Variants in LDLRAD4 observed in about 807,000 individuals in gnomAD.
LDLRAD4 encodes low-density lipoprotein receptor class A domain-containing protein 4.
In LDLRAD4, 5 loss-of-function variants were observed where a neutral mutation model predicts 17.0. The ratio of observed to expected loss-of-function variants is 0.29; its 90% CI spans 0.15 to 0.62. LDLRAD4 has a LOEUF of 0.62. LDLRAD4 is among the 20% of genes least tolerant of loss of function. The probability of loss-of-function intolerance (pLI) is 0.84; values close to 1 mark genes in which losing one functional copy is unlikely to be tolerated. For synonymous variants in LDLRAD4, 168 were observed against 171.8 expected (o/e 0.98, Z 0.17); for missense variants, 340 against 424.7 (o/e 0.80, Z 1.75).
intron 3 of LDLRAD4, among the ~76,000 whole-genome samples, chr18:13,545,887 G>C (rs1006014627): frequency 1.3e-5 from 2 of 152,238 alleles, no homozygotes; most frequent in African/African-American, 4.8e-5. Flanking sequence ...GTGAGAGTCA[G>C]TGGGCTTCAT....
intron 3 of LDLRAD4, among the ~76,000 whole-genome samples, chr18:13,467,860 G>GATA (rs2092667015): frequency 6.6e-6 from 1 of 152,322 alleles, no homozygotes; most frequent in East Asian, 1.9e-4. Flanking sequence ...GATGATTTTT[G>GATA]ATAAGGGCTC....
chr18:13,630,950 C>A (rs2041608050), intron 4 of LDLRAD4, among the ~76,000 whole-genome samples: 1 of 152,208 alleles, frequency 6.6e-6, no homozygotes, highest in African/African-American at 2.4e-5. Context: ...TCAGTGCTCT[C>A]CCTGGTTGTT....
At chr18:13,378,937 A>G (rs2085130959) in intron 1 of LDLRAD4, among the ~76,000 whole-genome samples, 1 of 152,244 alleles carries the variant, frequency 6.6e-6, no homozygotes, top group South Asian at 2.1e-4. Context: ...GAGCCGTGTT[A>G]GAGACGCGAT....
intron 3 of LDLRAD4, chr18:13,461,316 A>C (rs1168866475): frequency 2.0e-5 from 3 of 152,380 alleles, no homozygotes; most frequent in African/African-American, 7.2e-5. Context: ...GGGAAGTAGG[A>C]GGACATAGTA....
intron 3 of LDLRAD4, chr18:13,500,580 G>A (rs1568263016): frequency 6.6e-6 from 1 of 152,214 alleles, no homozygotes; most frequent in African/African-American, 2.4e-5. Context: ...GCGGTCCTTT[G>A]TGAAGCCCGC....
Position 13,475,427 on chromosome 18 carries a change from ATTTTT to A in LDLRAD4, c.181+37058_181+37062del, listed in dbSNP as rs35255496. Among the ~76,000 whole-genome samples, 1,185 of 131,130 alleles carry A rather than the reference ATTTTT, an allele frequency of 9.0e-3. 23 individuals are homozygous for A. The highest frequency in any genetic ancestry group is 0.028 in the African/African-American group (994 of 35,614). The allele number at this position is 131,130 out of a possible 152,430, so 86.0% of individuals were successfully genotyped here. On this transcript the variant is annotated intron_variant, in intron 3 of 5. Transcript: ENST00000359446. ...TGGTGCTCGCCACCACACCCCGCTG[ATTTTT>A]TTTTTTTTTTTTTTGTAAAGACAGG...
rs1209118442 is a variant in LDLRAD4, at chr18:13,367,086, A to T, written c.-382-20255A>T. 6.6e-6 allele frequency among the ~76,000 whole-genome samples: 1 copy of T among 152,164 alleles called. No individual in the cohort carries two copies. The highest frequency in any genetic ancestry group is 1.5e-5 in the Non-Finnish European group (1 of 68,028). On this transcript the variant is annotated intron_variant, in intron 1 of 5. Transcript: ENST00000359446. The surrounding 1 kb of genome is among the most constrained non-coding windows in gnomAD (Gnocchi z 4.1). Reference sequence around the variant, plus strand: ...CATCAGGTCAGTTTACTCTTAGGACATTTGCCCACAGCGAGATGCAAACTG... The same window carrying T: ...CATCAGGTCAGTTTACTCTTAGGACTTTTGCCCACAGCGAGATGCAAACTG...
At chr18:13,534,617 C>T (rs1198353894) in intron 3 of LDLRAD4, among the ~76,000 whole-genome samples, 1 of 151,778 alleles carries the variant, frequency 6.6e-6, no homozygotes, top group East Asian at 1.9e-4. Flanking sequence ...TCTGGTGTGC[C>T]CTGTACTTTC....
At chr18:13,590,877 T>G (rs1415344040) in intron 3 of LDLRAD4, among the ~76,000 whole-genome samples, 1 of 151,914 alleles carries the variant, frequency 6.6e-6, no homozygotes, top group Non-Finnish European at 1.5e-5. Flanking sequence ...AGAGGTCTCA[T>G]TATCATCAGA....
chr18:13,341,120 A>G (rs2082350615), intron 1 of LDLRAD4, among the ~76,000 whole-genome samples: 1 of 151,316 alleles, frequency 6.6e-6, no homozygotes, highest in South Asian at 2.1e-4. Context: ...TGTCTTGATT[A>G]TTGCAGCTTT....
chr18:13,352,283 G>A (rs1271314578), intron 1 of LDLRAD4, among the ~76,000 whole-genome samples: 1 of 152,194 alleles, frequency 6.6e-6, no homozygotes, highest in Non-Finnish European at 1.5e-5. Context: ...GCAAGAGAAA[G>A]AAATAAAGAG....
rs1405227718 is a variant in LDLRAD4, at chr18:13,449,928, A to G, written c.181+11544A>G. Reference sequence around the variant, plus strand: ...TGGGGCCGGGGTGGTGGCTGAGCCAATCAAGCAAAATGATGGACCTTCCAT... The same window carrying G: ...TGGGGCCGGGGTGGTGGCTGAGCCAGTCAAGCAAAATGATGGACCTTCCAT... On this transcript the variant is annotated intron_variant, in intron 3 of 5. Transcript: ENST00000359446. Among the ~76,000 whole-genome samples the G allele has an allele frequency of 2.0e-5, 3 of 152,228 alleles. No homozygotes were observed. The East Asian group carries it at 5.8e-4, about 29-fold the overall frequency.
intron 1 of LDLRAD4, among the ~76,000 whole-genome samples, chr18:13,255,222 C>G (rs896953711): frequency 2.0e-5 from 3 of 152,170 alleles, no homozygotes; most frequent in African/African-American, 7.2e-5. Flanking sequence ...ATGCTCCACA[C>G]CCAGCAGGTG....
chr18:13,255,162 G>T (rs181346427), intron 1 of LDLRAD4, among the ~76,000 whole-genome samples: 6 of 152,332 alleles, frequency 3.9e-5, no homozygotes, highest in Admixed American at 3.9e-4. Flanking sequence ...GCCCTGCTGT[G>T]TGCTGGGCAC....
intron 3 of LDLRAD4, among the ~76,000 whole-genome samples, chr18:13,479,584 G>A (rs1390264855): frequency 6.6e-6 from 1 of 152,016 alleles, no homozygotes; most frequent in Non-Finnish European, 1.5e-5. Flanking sequence ...TCGCACCATG[G>A]CACTCCAGCC....
chr18:13,308,018 C>T (rs2047014601), intron 1 of LDLRAD4, among the ~76,000 whole-genome samples: 1 of 152,192 alleles, frequency 6.6e-6, no homozygotes, highest in Non-Finnish European at 1.5e-5. Flanking sequence ...TCCACTCTGT[C>T]CCTGCCTTGT....
chr18:13,494,710 A>G (rs1175906088), intron 3 of LDLRAD4, among the ~76,000 whole-genome samples: 1 of 25,472 alleles, frequency 3.9e-5, no homozygotes, highest in East Asian at 2.7e-3. Context: ...TATTCAGTGT[A>G]TATATACACA....
intron 1 of LDLRAD4, among the ~76,000 whole-genome samples, chr18:13,244,259 C>G (rs2042846623): frequency 6.6e-6 from 1 of 150,590 alleles, no homozygotes; most frequent in Non-Finnish European, 1.5e-5. Flanking sequence ...CCCACTCATT[C>G]TTCTATCCAT....
intron 3 of LDLRAD4, among the ~76,000 whole-genome samples, chr18:13,549,696 C>G (rs1568328092): frequency 6.6e-6 from 1 of 151,618 alleles, no homozygotes; most frequent in Non-Finnish European, 1.5e-5. Context: ...TAAAATTAGC[C>G]CTGGCTGGAC....
Sources: allele counts gnomAD v4.1 joint callset (sites outside exome capture counted in the v4.1 genomes callset), GRCh38; gene constraint gnomAD v4.1.1; non-coding constraint Gnocchi (gnomAD v3.1); transcripts MANE v1.5; gene names NCBI Gene and HGNC (gene_info 2026-07-23, HGNC 2026-07-21).